The following RBM27 variants were observed in gnomAD, a reference collection of about 807,000 sequenced individuals.
RBM27 encodes the protein RNA binding motif protein 27, also known as RNA-binding protein 27.
Under a neutral mutation model 135.3 loss-of-function variants are expected in RBM27, and 22 were observed. The ratio of observed to expected loss-of-function variants is 0.16; its 90% CI spans 0.12 to 0.23. RBM27 has a LOEUF of 0.23. Ranked by LOEUF, RBM27 falls within the 10% of genes least tolerant of loss-of-function variation. The pLI, the probability that RBM27 is intolerant of heterozygous loss-of-function variation, is 1.00. For missense variants in RBM27, 1,009 were observed against 1,281.0 expected (o/e 0.79, Z 3.24); for synonymous variants, 481 against 442.4 (o/e 1.09, Z -1.10).
chr5:146,205,854 A>C (rs902539631), intron 1 of RBM27, among the ~76,000 whole-genome samples: 2 of 152,066 alleles, frequency 1.3e-5, no homozygotes, highest in Non-Finnish European at 1.5e-5. Context: ...CCCCGTCTCT[A>C]CTGAAAGTAT....
In RBM27 at chr5:146,230,825, C is replaced by A. The variant is rs762188166; in HGVS notation, c.758C>A (p.Thr253Asn). Reference protein sequence around the residue: ...IAPAHHSENTTESWSNYYNNH... With the variant: ...IAPAHHSENTNESWSNYYNNH... ...CCTGCTCACCACTCTGAAAACACAA[C>A]TGAGAGTTGGTCTAATTACTATAAC... Residue 253 changes from threonine (T) to asparagine (N), a missense_variant, in exon 6 of 21, where the codon ACT (threonine) becomes AAT (asparagine). Transcript: ENST00000265271. 6.2e-7 allele frequency: 1 copy of A among 1,613,974 alleles called. No homozygotes were observed. Among genetic ancestry groups the A allele is most frequent in the Non-Finnish European group, 8.5e-7 (1 of 1,179,886 alleles).
chr5:146,220,681 A>G (rs774764001), intron 2 of RBM27, among the ~76,000 whole-genome samples: 1 of 152,064 alleles, frequency 6.6e-6, no homozygotes, highest in Non-Finnish European at 1.5e-5. Context: ...CCTACATTTT[A>G]CAGCTCTTTT....
chr5:146,210,863 C>G (rs192667573), intron 1 of RBM27, among the ~76,000 whole-genome samples: 1 of 151,852 alleles, frequency 6.6e-6, no homozygotes, highest in Non-Finnish European at 1.5e-5. Context: ...AGGAGAATGA[C>G]GTGAACCTGG....
At chr5:146,256,888 TA>T (rs955235525) in intron 10 of RBM27, among the ~76,000 whole-genome samples, 9 of 151,876 alleles carry the variant, frequency 5.9e-5, no homozygotes, top group Non-Finnish European at 7.4e-5. Context: ...TTCATTAAAT[TA>T]AAAAAAATTA....
chr5:146,245,514 A>G (rs1272241119), intron 8 of RBM27, among the ~76,000 whole-genome samples: 1 of 152,208 alleles, frequency 6.6e-6, no homozygotes, highest in Non-Finnish European at 1.5e-5. Context: ...ATAAATTCAC[A>G]TAAATCTTTA....
chr5:146,224,984 T>C (rs1292208228), intron 3 of RBM27, among the ~76,000 whole-genome samples: 2 of 152,228 alleles, frequency 1.3e-5, no homozygotes, highest in Admixed American at 6.5e-5. Context: ...ATTTCCTACA[T>C]ATAAGGAATA....
intron 3 of RBM27, among the ~76,000 whole-genome samples, chr5:146,224,685 A>G (rs1370470215): frequency 2.6e-5 from 4 of 152,068 alleles, no homozygotes; most frequent in African/African-American, 7.2e-5. Context: ...TTTGCCTCAG[A>G]AAGAAAAAAA....
intron 8 of RBM27, among the ~76,000 whole-genome samples, chr5:146,244,820 G>T (rs1334631815): frequency 6.6e-6 from 1 of 152,070 alleles, no homozygotes; most frequent in African/African-American, 2.4e-5. Flanking sequence ...GGGATTACAG[G>T]CATGAGCCAC....
At chr5:146,224,684 G>A (rs912370901) in intron 3 of RBM27, among the ~76,000 whole-genome samples, 13 of 150,464 alleles carry the variant, frequency 8.6e-5, no homozygotes, top group Admixed American at 2.0e-4. Context: ...CTTTGCCTCA[G>A]AAAGAAAAAA....
intron 19 of RBM27, among the ~76,000 whole-genome samples, chr5:146,274,698 A>G (rs940373264): frequency 2.0e-5 from 3 of 152,200 alleles, no homozygotes; most frequent in Non-Finnish European, 4.4e-5. Context: ...TTTTGGTCCC[A>G]GGTACTTATA....
At chr5:146,276,100 A>G (rs897758103) in intron 19 of RBM27, among the ~76,000 whole-genome samples, 1 of 151,230 alleles carries the variant, frequency 6.6e-6, no homozygotes, top group Admixed American at 6.6e-5. Flanking sequence ...TCCTGTTTTT[A>G]CTGTTACTTC....
chr5:146,280,850 TTTTATTTA>T (rs55751840), intron 19 of RBM27, among the ~76,000 whole-genome samples: 5 of 151,168 alleles, frequency 3.3e-5, no homozygotes, highest in Non-Finnish European at 7.4e-5. Context: ...AGTCTATTTG[TTTTATTTA>T]TTTATTTATT....
chr5:146,249,317 T>A (rs1388616536), intron 8 of RBM27, among the ~76,000 whole-genome samples: 1 of 152,188 alleles, frequency 6.6e-6, no homozygotes, highest in African/African-American at 2.4e-5. Flanking sequence ...TACATTCTGC[T>A]GATAGGTCAC....
intron 2 of RBM27, among the ~76,000 whole-genome samples, chr5:146,220,128 T>C (rs1202086879): frequency 6.6e-6 from 1 of 152,160 alleles, no homozygotes; most frequent in Non-Finnish European, 1.5e-5. Flanking sequence ...TTTTGTTTGG[T>C]TGAGAGTGGA....
At position 146,255,035 on chromosome 5, in the gene RBM27, A is replaced by T. The variant is rs758386745; in HGVS notation, c.1537A>T (p.Thr513Ser). The T allele has an allele frequency of 6.2e-7, 1 of 1,611,694 alleles. No homozygotes were observed. Among genetic ancestry groups the T allele is most frequent in the Non-Finnish European group, 8.5e-7 (1 of 1,177,860 alleles). ...CAGACAGTTCTTTTCAAGAACTCAG[A>T]CACAGCGTCCCAATCTGATTGGCCT... ...QYRQFFSRTQ[T>S]QRPNLIGLTS... Residue 513 changes from threonine (T) to serine (S), a missense_variant, in exon 10 of 21, where the codon ACA becomes TCA. Thr to Ser is a moderately conservative substitution (Grantham distance 58). Transcript: ENST00000265271.
In RBM27 at chr5:146,207,957, T is replaced by TG. The variant is rs1271958053; in HGVS notation, c.59+4133_59+4134insG. 1.1e-3 allele frequency among the ~76,000 whole-genome samples: 156 copies of TG among 142,666 alleles called. 2 individuals carry two copies. Among genetic ancestry groups the TG allele is most frequent in the African/African-American group, 3.8e-3 (145 of 38,136 alleles). 93.6% of individuals were successfully genotyped at this position (142,666 alleles called of 152,430 possible). ...ACCACACCTGGCCTAACAGGTTTTT[T>TG]TTTTTTTTTTTTTTTTTAAGACGGA... On this transcript the variant is annotated intron_variant, in intron 1 of 20. Coordinates refer to ENST00000265271, the MANE Select transcript of RBM27 (RefSeq NM_018989.2).
intron 9 of RBM27, among the ~76,000 whole-genome samples, chr5:146,253,383 T>A (rs1440763414): frequency 6.6e-6 from 1 of 152,142 alleles, no homozygotes; most frequent in Non-Finnish European, 1.5e-5. Context: ...CTAATAGGAA[T>A]GTCATTGTGA....
At chr5:146,273,461 T>A (rs1335637254) in intron 19 of RBM27, among the ~76,000 whole-genome samples, 1 of 152,162 alleles carries the variant, frequency 6.6e-6, no homozygotes, top group Non-Finnish European at 1.5e-5. Context: ...GCAGATGAGG[T>A]AACTTCAAGA....
In RBM27 at chr5:146,203,942, G is replaced by C. The variant is rs1036379944; in HGVS notation, c.59+118G>C. 8 of 1,030,046 alleles carry C rather than the reference G, an allele frequency of 7.8e-6. No individual in the cohort carries two copies. The African/African-American group carries it at 1.0e-4, about 13-fold the overall frequency. 63.8% of individuals were successfully genotyped at this position (1,030,046 alleles called of 1,614,324 possible). A position where few individuals can be genotyped will look rare whatever the true frequency, so the allele number is the denominator to read the frequency against. On this transcript the variant is annotated intron_variant, in intron 1 of 20. Coordinates refer to ENST00000265271, the MANE Select transcript of RBM27 (RefSeq NM_018989.2). Reference sequence around the variant, plus strand: ...TGAGGGGCCGCGGCCGGGAGGTCCCGGCGACGCCTTCCCTGTAGTACTATC... The same window carrying C: ...TGAGGGGCCGCGGCCGGGAGGTCCCCGCGACGCCTTCCCTGTAGTACTATC...
Sources: allele counts gnomAD v4.1 joint callset (sites outside exome capture counted in the v4.1 genomes callset), GRCh38; gene constraint gnomAD v4.1.1; transcripts MANE v1.5; gene names NCBI Gene and HGNC (gene_info 2026-07-23, HGNC 2026-07-21).